Variants in ANKS1B observed in about 807,000 individuals in gnomAD.
ANKS1B encodes ankyrin repeat and sterile alpha motif domain-containing protein 1B.
ANKS1B carries 36 observed loss-of-function variants against 148.3 expected under a neutral mutation model. That is an observed-to-expected ratio of 0.24 (90% CI 0.19 to 0.32). The LOEUF (loss-of-function observed/expected upper bound fraction) is 0.32, where lower values mean the gene tolerates loss of function less well. ANKS1B is among the 10% of genes least tolerant of loss of function. The pLI is 1.00. For synonymous variants in ANKS1B, 542 were observed against 560.8 expected, an observed-to-expected ratio of 0.97 and a Z score of 0.47; for missense variants, 1,157 against 1,542.6, an observed-to-expected ratio of 0.75 and a Z score of 4.19.
At chr12:99,605,478 T>C (rs1036693479) in intron 9 of ANKS1B, among the ~76,000 whole-genome samples, 2 of 151,970 alleles carry the variant, frequency 1.3e-5, no homozygotes, top group Admixed American at 1.3e-4. Context: ...CTCTCCTCAT[T>C]TTCCTCTCCC....
chr12:99,131,873 G>A (rs985633615), intron 15 of ANKS1B, among the ~76,000 whole-genome samples: 1 of 152,168 alleles, frequency 6.6e-6, no homozygotes, highest in African/African-American at 2.4e-5. Context: ...CAGCTGCTAA[G>A]CCAGCCGGGT....
chr12:99,018,252 C>T (rs1020270082), intron 17 of ANKS1B, among the ~76,000 whole-genome samples: 1 of 152,128 alleles, frequency 6.6e-6, no homozygotes, highest in Middle Eastern at 3.2e-3. Flanking sequence ...GAATTAATAT[C>T]CTTCTAAAAG....
At chr12:99,077,863 G>T (rs958486912) in intron 16 of ANKS1B, among the ~76,000 whole-genome samples, 4 of 152,088 alleles carry the variant, frequency 2.6e-5, no homozygotes, top group Non-Finnish European at 5.9e-5. Context: ...CCTTTCAAAG[G>T]CTGAAATAAC....
chr12:99,327,953 G>A (rs753293158), intron 12 of ANKS1B, among the ~76,000 whole-genome samples: 8 of 151,778 alleles, frequency 5.3e-5, no homozygotes, highest in Non-Finnish European at 8.8e-5. Flanking sequence ...TGTGTGTGGT[G>A]AGGCTCCTCC....
At chr12:99,622,526 A>G (rs2098066342) in intron 9 of ANKS1B, among the ~76,000 whole-genome samples, 1 of 151,962 alleles carries the variant, frequency 6.6e-6, no homozygotes, top group Non-Finnish European at 1.5e-5. Context: ...AAAGAGAAGA[A>G]CACAATGAGA....
At chr12:99,497,028 C>A (rs1178894226) in intron 10 of ANKS1B, among the ~76,000 whole-genome samples, 1 of 152,124 alleles carries the variant, frequency 6.6e-6, no homozygotes, top group Non-Finnish European at 1.5e-5. Flanking sequence ...CTTCAACAAA[C>A]TACAGCCATC....
At position 99,408,697 on chromosome 12, in the gene ANKS1B, T is replaced by C. The variant is rs140228433; in HGVS notation, c.1576-8886A>G. On this transcript the variant is annotated intron_variant, in intron 11 of 26. Transcript: ENST00000683438. ...ATTTAAAATGGGCAAAAGATCAGAA[T>C]AGACATTTCTCAAAAGAAGACATAC... is the stretch of plus-strand genomic sequence containing the variant. 3.6e-3 allele frequency among the ~76,000 whole-genome samples: 532 copies of C among 146,150 alleles called. 80 individuals are homozygous for C. The highest frequency in any genetic ancestry group is 0.014 in the African/African-American group (523 of 38,696).
intron 12 of ANKS1B, among the ~76,000 whole-genome samples, chr12:99,256,305 C>T (rs1025105842): frequency 4.0e-5 from 6 of 151,238 alleles, no homozygotes; most frequent in Non-Finnish European, 8.9e-5. Flanking sequence ...ATACCTTATC[C>T]ACTTCCTTCC....
intron 14 of ANKS1B, among the ~76,000 whole-genome samples, chr12:99,196,921 C>G (rs1171019614): frequency 6.6e-6 from 1 of 152,132 alleles, no homozygotes; most frequent in African/African-American, 2.4e-5. Context: ...AGAGCTTCCT[C>G]TCAGTGACAG....
intron 1 of ANKS1B, among the ~76,000 whole-genome samples, chr12:99,938,420 AG>A (rs1481496607): frequency 6.6e-6 from 1 of 152,210 alleles, no homozygotes; most frequent in African/African-American, 2.4e-5. Context: ...CCTTGAGCAG[AG>A]GATTCAAGTC....
chr12:99,710,211 GTCATT>G (rs1337679206), intron 8 of ANKS1B, among the ~76,000 whole-genome samples: 1 of 152,118 alleles, frequency 6.6e-6, no homozygotes, highest in African/African-American at 2.4e-5. Context: ...AGACAAGATT[GTCATT>G]TCATTAGAAT....
At chr12:98,998,177 G>A (rs2099930834) in intron 17 of ANKS1B, among the ~76,000 whole-genome samples, 5 of 152,176 alleles carry the variant, frequency 3.3e-5, no homozygotes, top group Admixed American at 3.3e-4. Context: ...TGCTTTGGGG[G>A]AAGACATCTG....
intron 8 of ANKS1B, among the ~76,000 whole-genome samples, chr12:99,749,405 T>G (rs7487883): frequency 0.44 from 66,397 of 151,870 alleles, 14,925 homozygotes; most frequent in South Asian, 0.61. Context: ...TAGAGGAAAA[T>G]CCAGCTGACC....
At chr12:99,921,289 C>T (rs1229755741) in intron 1 of ANKS1B, among the ~76,000 whole-genome samples, 1 of 152,008 alleles carries the variant, frequency 6.6e-6, no homozygotes, top group Admixed American at 6.6e-5. Context: ...GGGGCTCTTC[C>T]CCCTTTGCTT....
chr12:98,872,069 T>C (rs1048155500), intron 17 of ANKS1B, among the ~76,000 whole-genome samples: 1 of 152,246 alleles, frequency 6.6e-6, no homozygotes, highest in African/African-American at 2.4e-5. Context: ...GCTCATCATA[T>C]ATCCTTTTAG....
At chr12:99,505,822 A>G (rs957418942) in intron 9 of ANKS1B, among the ~76,000 whole-genome samples, 1 of 151,964 alleles carries the variant, frequency 6.6e-6, no homozygotes. Flanking sequence ...AAAAACCCAA[A>G]GTAAGTTGAA....
chr12:98,925,151 A>T (rs921422831), intron 17 of ANKS1B, among the ~76,000 whole-genome samples: 11 of 152,206 alleles, frequency 7.2e-5, no homozygotes, highest in Non-Finnish European at 1.6e-4. Context: ...TCTGCATAAG[A>T]ACAGGAAGAG....
intron 9 of ANKS1B, among the ~76,000 whole-genome samples, chr12:99,577,292 C>CAAAT (rs71303566): frequency 0.097 from 14,026 of 144,660 alleles, 746 homozygotes; most frequent in East Asian, 0.14. Context: ...CTGTTCACAT[C>CAAAT]AAATAAATAA....
intron 9 of ANKS1B, among the ~76,000 whole-genome samples, chr12:99,635,942 A>G (rs1337999685): frequency 3.9e-5 from 6 of 152,118 alleles, no homozygotes; most frequent in African/African-American, 1.4e-4. Context: ...CGAAGAAAAT[A>G]AGGTAAAATA....
Sources: gnomAD v4.1 joint callset for allele counts (sites outside exome capture counted in the v4.1 genomes callset) on GRCh38, gnomAD v4.1.1 for gene constraint, MANE v1.5 for transcripts, NCBI Gene and HGNC (gene_info 2026-07-23, HGNC 2026-07-21) for gene names.